The following PDE4DIP variants were observed in gnomAD, a reference collection of about 807,000 sequenced individuals.
PDE4DIP encodes the protein phosphodiesterase 4D interacting protein.
PDE4DIP carries 59 observed loss-of-function variants against 221.4 expected under a neutral mutation model. That is an observed-to-expected ratio of 0.27 (90% CI 0.22 to 0.33). The LOEUF (loss-of-function observed/expected upper bound fraction) is 0.33, where lower values mean the gene tolerates loss of function less well. Ranked by LOEUF, PDE4DIP falls within the 10% of genes least tolerant of loss-of-function variation. The probability of loss-of-function intolerance (pLI) is 1.00; values close to 1 mark genes in which losing one functional copy is unlikely to be tolerated. For missense variants in PDE4DIP, 1,036 were observed against 2,154.2 expected, an observed-to-expected ratio of 0.48 and a Z score of 10.28; for synonymous variants, 404 against 815.9, an observed-to-expected ratio of 0.50 and a Z score of 8.60.
chr1:148,883,968 CT>C (rs1295916586), intron 3 of PDE4DIP, among the ~76,000 whole-genome samples: 19 of 135,654 alleles, frequency 1.4e-4, no homozygotes, highest in African/African-American at 4.3e-4. Flanking sequence ...TTTGTTAAAG[CT>C]TTTTTTTTCT....
intron 5 of PDE4DIP, among the ~76,000 whole-genome samples, chr1:148,938,688 A>G (rs587633679): frequency 6.6e-6 from 1 of 152,080 alleles, no homozygotes; most frequent in South Asian, 2.1e-4. Flanking sequence ...ATATTGGAGT[A>G]TGAACCTTCC....
At chr1:148,937,814 AAAC>A (rs1317523099) in exon 5 of PDE4DIP, 6 of 1,088,746 alleles carry the variant, frequency 5.5e-6, no homozygotes, top group African/African-American at 1.5e-5. Flanking sequence ...ATCTCGGGAG[AAAC>A]AACAACTGCT....
intron 1 of PDE4DIP, among the ~76,000 whole-genome samples, chr1:148,814,033 A>G (rs1553354124): frequency 1.0e-4 from 2 of 19,618 alleles, no homozygotes; most frequent in African/African-American, 5.8e-4. Flanking sequence ...GCTCACGGCA[A>G]CCTTCGCCTC....
intron 5 of PDE4DIP, chr1:148,942,195 GGAGTAT>G (rs1382979912): frequency 6.6e-6 from 1 of 151,972 alleles, no homozygotes; most frequent in Non-Finnish European, 1.5e-5. Context: ...ATGAAAGTCT[GGAGTAT>G]GAGTATAATA....
At chr1:148,979,815 A>G in exon 20 of PDE4DIP, 1 of 1,613,584 alleles carries the variant, frequency 6.2e-7, no homozygotes, top group Non-Finnish European at 8.5e-7. Context: ...ACAGCTCTAT[A>G]GCAGTCTGGT....
At chr1:149,009,850 A>G in intron 30 of PDE4DIP, 59 bp downstream of exon 33, 6 of 1,212,570 alleles carry the variant, frequency 4.9e-6, no homozygotes, top group Non-Finnish European at 7.4e-6. Flanking sequence ...GAACTCAGGA[A>G]ACAGGGCTTA....
At chr1:148,959,992 C>G (rs2056477871) in intron 5 of PDE4DIP, among the ~76,000 whole-genome samples, 1 of 151,486 alleles carries the variant, frequency 6.6e-6, no homozygotes, top group African/African-American at 2.4e-5. Flanking sequence ...CTCCCACTGT[C>G]TGTATTTGCA....
exon 36 of PDE4DIP, chr1:149,020,218 A>G (rs200921415): frequency 2.6e-3 from 1,411 of 550,950 alleles, no homozygotes; most frequent in Non-Finnish European, 3.2e-3. Context: ...AGAGCTGGAA[A>G]AGGAGCTGGA....
At chr1:149,029,178 A>G (rs1315413355) in intron 41 of PDE4DIP, among the ~76,000 whole-genome samples, 1 of 152,164 alleles carries the variant, frequency 6.6e-6, no homozygotes, top group Non-Finnish European at 1.5e-5. Flanking sequence ...TCGCTGGACC[A>G]GGCCTGGGGA....
At position 148,864,289 on chromosome 1, in the gene PDE4DIP, A is replaced by G. The variant is rs1685602495; in HGVS notation, c.289+984A>G. On this transcript the variant is annotated intron_variant, in intron 2 of 45. Coordinates refer to the PDE4DIP transcript ENST00000524974. ...ATAATAAATAAATAAAATGGGTATA[A>G]TGATAATGTTAATCTCATAGGTGAG... Among the ~76,000 whole-genome samples the G allele has an allele frequency of 3.7e-5, 5 of 136,018 alleles. 2 individuals are homozygous for G. In the South Asian group the frequency reaches 1.1e-3, roughly 30 times the overall value. 89.2% of individuals were successfully genotyped at this position (136,018 alleles called of 152,430 possible). A position where few individuals can be genotyped will look rare whatever the true frequency, so the allele number is the denominator to read the frequency against.
intron 3 of PDE4DIP, among the ~76,000 whole-genome samples, chr1:148,881,658 CTT>C (rs1235912898): frequency 6.8e-6 from 1 of 147,526 alleles, no homozygotes; most frequent in Admixed American, 6.7e-5. Flanking sequence ...GTGAAGGACA[CTT>C]TTTGAAAAGG....
At chr1:148,924,895 A>T (rs1194184324) in intron 1 of PDE4DIP, among the ~76,000 whole-genome samples, 1 of 150,038 alleles carries the variant, frequency 6.7e-6, no homozygotes, top group African/African-American at 2.5e-5. Flanking sequence ...AAATGTGATA[A>T]GCTATATGAT....
At chr1:148,992,877 G>A (rs1575003327) in intron 22 of PDE4DIP, 1 of 1,060,288 alleles carries the variant, frequency 9.4e-7, no homozygotes, top group Admixed American at 5.3e-5. Flanking sequence ...CTGCCTGTAT[G>A]TCTTCTGCAT....
exon 32 of PDE4DIP, chr1:149,012,699 G>T: frequency 6.2e-7 from 1 of 1,613,862 alleles, no homozygotes; most frequent in Non-Finnish European, 8.5e-7. Context: ...CTCCTCCTTG[G>T]CTGCTGTGAG....
chr1:148,832,814 G>GTGC (rs1335464993), intron 1 of PDE4DIP, among the ~76,000 whole-genome samples: 28 of 134,358 alleles, frequency 2.1e-4, no homozygotes, highest in Middle Eastern at 7.2e-3. Flanking sequence ...GCTTTTTGAT[G>GTGC]TGCTGCTGGA....
At chr1:149,007,057 C>T in intron 27 of PDE4DIP, 144 bp from the exon 31 acceptor site, 3 of 612,378 alleles carry the variant, frequency 4.9e-6, no homozygotes, top group South Asian at 2.0e-5. Context: ...TCTTAAATAC[C>T]TCCTATGGCT....
At chr1:149,007,067 T>C (rs1416496739) in intron 27 of PDE4DIP, 134 bp from the exon 31 acceptor site, 2 of 625,376 alleles carry the variant, frequency 3.2e-6, no homozygotes, top group Non-Finnish European at 5.8e-6. Flanking sequence ...CTCCTATGGC[T>C]TATGTGCCAG....
At position 148,979,846 on chromosome 1, in the gene PDE4DIP, A is replaced by G. The variant is rs587704559; in HGVS notation, c.2684A>G (p.Glu895Gly). 21 of 1,612,326 alleles carry G rather than the reference A, an allele frequency of 1.3e-5. No homozygotes were observed. In the South Asian group the frequency reaches 2.3e-4, roughly 18 times the overall value. Residue 895 changes from glutamate (E) to glycine (G), a missense_variant, in exon 20 of 44, where the codon GAG (glutamate) becomes GGG (glycine). Glu to Gly is a moderately conservative substitution (Grantham distance 98). Transcript: ENST00000369354. Reference sequence around the variant, plus strand: ...CTGGTGAAGTTCCATGCCCATCCAGAGAGGTAAGAGAGAGGCTGTTTTTTC... The same window carrying G: ...CTGGTGAAGTTCCATGCCCATCCAGGGAGGTAAGAGAGAGGCTGTTTTTTC...
chr1:148,952,485 G>T (rs1553490881), intron 5 of PDE4DIP: 1 of 1,110,746 alleles, frequency 9.0e-7, no homozygotes, highest in East Asian at 4.8e-5. Flanking sequence ...GGGAGAGACA[G>T]CTGGGGAGAG....
Sources: gnomAD v4.1 joint callset for allele counts (sites outside exome capture counted in the v4.1 genomes callset) on GRCh38, gnomAD v4.1.1 for gene constraint, MANE v1.5 for transcripts, NCBI Gene and HGNC (gene_info 2026-07-23, HGNC 2026-07-21) for gene names.